SEMA5A: variants seen among roughly 807,000 people sequenced by gnomAD.
SEMA5A encodes the protein semaphorin 5A.
SEMA5A carries 55 observed loss-of-function variants against 135.5 expected under a neutral mutation model. The ratio of observed to expected loss-of-function variants is 0.41; its 90% CI spans 0.33 to 0.51. The LOEUF (loss-of-function observed/expected upper bound fraction) is 0.51. Among genes scored for constraint, SEMA5A ranks in the 20% least tolerant of loss-of-function variants. SEMA5A has a pLI of 0.37. For missense variants in SEMA5A, 1,290 were observed against 1,419.9 expected, an observed-to-expected ratio of 0.91 and a Z score of 1.47; for synonymous variants, 580 against 546.5, an observed-to-expected ratio of 1.06 and a Z score of -0.85.
intron 2 of SEMA5A, among the ~76,000 whole-genome samples, chr5:9,398,692 T>C (rs1303598075): frequency 6.6e-6 from 1 of 152,218 alleles, no homozygotes; most frequent in African/African-American, 2.4e-5. Flanking sequence ...CCCACAAAAA[T>C]ATTTCAATTT....
chr5:9,498,850 A>T (rs1426233433), intron 1 of SEMA5A: 1 of 152,216 alleles, frequency 6.6e-6, no homozygotes, highest in African/African-American at 2.4e-5. Flanking sequence ...GGGCTGGGTT[A>T]GGTGTGGAAT....
At chr5:9,278,729 G>T (rs1750390314) in intron 5 of SEMA5A, among the ~76,000 whole-genome samples, 1 of 152,234 alleles carries the variant, frequency 6.6e-6, no homozygotes, top group Non-Finnish European at 1.5e-5. Context: ...AGGGGCCAAG[G>T]TACAGCTCAG....
rs2150659214 is a variant in SEMA5A, at chr5:9,315,154, C to G, written c.270+3218G>C. The stretch of plus-strand genomic sequence containing the variant: ...TTGGACATCATGTCAGTAAAATTTG[C>G]AAAAATATCACAATAGACTCTCATA... On this transcript the variant is annotated intron_variant, in intron 5 of 22. Coordinates refer to ENST00000382496, the MANE Select transcript of SEMA5A (RefSeq NM_003966.3). 1.3e-5 allele frequency among the ~76,000 whole-genome samples: 2 copies of G among 152,204 alleles called. 1 individual carries two copies. Among genetic ancestry groups the G allele is most frequent in the South Asian group, 4.1e-4 (2 of 4,822 alleles).
intron 13 of SEMA5A, among the ~76,000 whole-genome samples, chr5:9,128,773 G>A (rs1741249052): frequency 6.6e-6 from 1 of 152,176 alleles, no homozygotes. Flanking sequence ...GTAATCTGAA[G>A]CACTGGTCTT....
At chr5:9,508,668 T>A (rs1280789575) in intron 1 of SEMA5A, among the ~76,000 whole-genome samples, 3 of 152,182 alleles carry the variant, frequency 2.0e-5, no homozygotes, top group African/African-American at 7.2e-5. Context: ...TCCTCCTTTG[T>A]AAGGTCTTCC....
intron 4 of SEMA5A, among the ~76,000 whole-genome samples, chr5:9,322,329 T>C (rs541911532): frequency 6.6e-6 from 1 of 151,984 alleles, no homozygotes; most frequent in African/African-American, 2.4e-5. Flanking sequence ...ATCTCATCAG[T>C]AATAACAAAT....
intron 4 of SEMA5A, among the ~76,000 whole-genome samples, chr5:9,328,062 T>C (rs78890164): frequency 6.6e-6 from 1 of 152,336 alleles, no homozygotes; most frequent in Non-Finnish European, 1.5e-5. Context: ...TCATGTATCT[T>C]CTAATAATCA....
intron 5 of SEMA5A, among the ~76,000 whole-genome samples, chr5:9,304,528 A>C (rs1371540912): frequency 7.5e-6 from 1 of 132,606 alleles, no homozygotes; most frequent in African/African-American, 2.6e-5. Context: ...AATAATAAAG[A>C]AAGCCCTCTA....
rs965073047 is a variant in SEMA5A at position 9,472,519 on chromosome 5, T to C, written c.-174-34667A>G. Among the ~76,000 whole-genome samples the C allele has an allele frequency of 1.8e-4, 27 of 152,158 alleles. 1 individual carries two copies. The highest frequency in any genetic ancestry group is 3.3e-4 in the Admixed American group (5 of 15,276). ...TATTGTTCTATAGACACAGAAACAA[T>C]CCTTAGCTCAGTCTGGGGCAAAAGC... On this transcript the variant is annotated intron_variant, in intron 1 of 22. Transcript: ENST00000382496.
At chr5:9,240,758 A>T (rs112146511) in intron 5 of SEMA5A, among the ~76,000 whole-genome samples, 30 of 152,192 alleles carry the variant, frequency 2.0e-4, no homozygotes, top group African/African-American at 7.2e-4. Context: ...TTTCTCAGTG[A>T]AAATTTTTAT....
At chr5:9,050,371 C>G in intron 21 of SEMA5A, 39 bp downstream of exon 21, 1 of 1,541,768 alleles carries the variant, frequency 6.5e-7, no homozygotes, top group Non-Finnish European at 8.9e-7. Flanking sequence ...TAGAATATAT[C>G]AGTACATCCA....
At chr5:9,337,847 A>G (rs1307875082) in intron 3 of SEMA5A, 35 bp from the exon 4 acceptor site, 1 of 1,442,468 alleles carries the variant, frequency 6.9e-7, no homozygotes, top group African/African-American at 1.4e-5. Context: ...AAAAGATAAA[A>G]ATGAATTATT....
intron 2 of SEMA5A, among the ~76,000 whole-genome samples, chr5:9,429,219 G>T (rs1757772876): frequency 6.6e-6 from 1 of 152,140 alleles, no homozygotes; most frequent in Admixed American, 6.5e-5. Flanking sequence ...TCTGATTGGG[G>T]TGGGGGAGGA....
chr5:9,188,532 C>T (rs897243560), intron 11 of SEMA5A, among the ~76,000 whole-genome samples: 2 of 152,146 alleles, frequency 1.3e-5, no homozygotes, highest in Non-Finnish European at 2.9e-5. Context: ...CAGGTCTACT[C>T]AAGAATAGCC....
rs1467323284 is a variant in SEMA5A at position 9,039,705 on chromosome 5, G to GT, written c.*3191dup. The GT allele has an allele frequency of 1.3e-5, 2 of 152,276 alleles. No individual in the cohort carries two copies. Among genetic ancestry groups the GT allele is most frequent in the African/African-American group, 4.8e-5 (2 of 41,464 alleles). The allele number at this position is 152,276 out of a possible 1,614,324, so 9.4% of individuals were successfully genotyped here. A position where few individuals can be genotyped will look rare whatever the true frequency, so the allele number is the denominator to read the frequency against. The stretch of plus-strand genomic sequence containing the variant: ...AGGGAACGCCATGAGTCTGGAGACT[G>GT]TGGCTCTTCTGTGCGGTGGAGCCTG... On this transcript the variant is annotated 3_prime_UTR_variant, in exon 23 of 23. Transcript: ENST00000382496.
intron 12 of SEMA5A, among the ~76,000 whole-genome samples, chr5:9,143,011 G>A (rs1167841810): frequency 6.6e-6 from 1 of 152,098 alleles, no homozygotes; most frequent in Admixed American, 6.6e-5. Context: ...AAAATTCCAA[G>A]TAGACAATAG....
chr5:9,488,917 ATCT>A (rs1202556526), intron 1 of SEMA5A, among the ~76,000 whole-genome samples: 4 of 152,210 alleles, frequency 2.6e-5, no homozygotes, highest in Non-Finnish European at 4.4e-5. Context: ...AGTCAACACC[ATCT>A]TCTTCTCAAA....
intron 11 of SEMA5A, among the ~76,000 whole-genome samples, chr5:9,180,527 A>C (rs1744446663): frequency 6.6e-6 from 1 of 152,148 alleles, no homozygotes; most frequent in Non-Finnish European, 1.5e-5. Flanking sequence ...TTCCAACATG[A>C]TAGTTTTTCA....
At chr5:9,354,220 GC>G (rs372593507) in intron 3 of SEMA5A, among the ~76,000 whole-genome samples, 75 of 152,230 alleles carry the variant, frequency 4.9e-4, no homozygotes, top group African/African-American at 1.7e-3. Context: ...GTACTAACCT[GC>G]CAAGACCCAT....
Sources: allele counts gnomAD v4.1 joint callset (sites outside exome capture counted in the v4.1 genomes callset), GRCh38; gene constraint gnomAD v4.1.1; transcripts MANE v1.5; gene names NCBI Gene and HGNC (gene_info 2026-07-23, HGNC 2026-07-21).